The following KAZN variants were observed in gnomAD, a reference collection of about 807,000 sequenced individuals.
The protein encoded by KAZN is kazrin, periplakin interacting protein, also known as kazrin.
In KAZN, 40 loss-of-function variants were observed where a neutral mutation model predicts 87.4. The ratio of observed to expected loss-of-function variants is 0.46; its 90% confidence interval spans 0.36 to 0.60. The LOEUF is 0.60. KAZN is among the 20% of genes least tolerant of loss of function. The pLI is 0.00. For synonymous variants in KAZN, 466 were observed against 458.3 expected (o/e 1.02, Z -0.22); for missense variants, 898 against 1,073.9 (o/e 0.84, Z 2.29).
At chr1:14,091,037 A>G (rs1312261496) in intron 1 of KAZN, among the ~76,000 whole-genome samples, 1 of 147,332 alleles carries the variant, frequency 6.8e-6, no homozygotes, top group East Asian at 2.1e-4. Flanking sequence ...GCTTGAACCC[A>G]GGAGGCAGAG....
chr1:14,208,983 G>A (rs921688812), intron 2 of KAZN, among the ~76,000 whole-genome samples: 14 of 152,220 alleles, frequency 9.2e-5, no homozygotes, highest in African/African-American at 3.1e-4. Flanking sequence ...GAACACAAGA[G>A]CCTCGCAGGA....
chr1:14,951,039 G>A (rs1662417138), intron 1 of KAZN, among the ~76,000 whole-genome samples: 2 of 152,152 alleles, frequency 1.3e-5, no homozygotes, highest in South Asian at 4.1e-4. Flanking sequence ...ATCCCCTAGG[G>A]TTTTTAAGGG....
chr1:14,006,004 G>A (rs540945904), intron 1 of KAZN, among the ~76,000 whole-genome samples: 95 of 152,084 alleles, frequency 6.2e-4, no homozygotes, highest in African/African-American at 2.2e-3. Context: ...CCTCATATAG[G>A]GTTTAGTAGA....
intron 2 of KAZN, among the ~76,000 whole-genome samples, chr1:14,470,627 C>T (rs192241884): frequency 4.6e-5 from 7 of 152,238 alleles, no homozygotes; most frequent in Admixed American, 3.9e-4. Context: ...GGAAAGCCTG[C>T]GTAAGTGAGC....
intron 2 of KAZN, among the ~76,000 whole-genome samples, chr1:14,446,555 A>G (rs1421133396): frequency 6.6e-6 from 1 of 152,212 alleles, no homozygotes; most frequent in African/African-American, 2.4e-5. Context: ...AGTATGAGCT[A>G]AACCATGGAG....
chr1:14,799,056 C>G (rs767940524), intron 1 of KAZN, among the ~76,000 whole-genome samples: 6 of 152,188 alleles, frequency 3.9e-5, no homozygotes, highest in Non-Finnish European at 7.3e-5. Flanking sequence ...GGATTACAGG[C>G]ATGATGAGCC....
chr1:14,089,101 T>C (rs766244609), intron 1 of KAZN, among the ~76,000 whole-genome samples: 1 of 151,856 alleles, frequency 6.6e-6, no homozygotes, highest in Non-Finnish European at 1.5e-5. Context: ...CACACATGCA[T>C]AACCTCCCTT....
intron 2 of KAZN, among the ~76,000 whole-genome samples, chr1:14,494,324 C>A (rs995851968): frequency 6.6e-6 from 1 of 152,132 alleles, no homozygotes; most frequent in African/African-American, 2.4e-5. Flanking sequence ...AGCACACAAC[C>A]GTGGCTGGGC....
chr1:14,630,948 A>G (rs1679514890), intron 1 of KAZN, among the ~76,000 whole-genome samples: 1 of 152,114 alleles, frequency 6.6e-6, no homozygotes, highest in Admixed American at 6.6e-5. Context: ...AAAAATCAAT[A>G]TGTTTAAAAC....
At chr1:14,904,536 C>A (rs76623565) in intron 1 of KAZN, among the ~76,000 whole-genome samples, 2,298 of 152,280 alleles carry the variant, frequency 0.015, 56 homozygotes, top group African/African-American at 0.053. Context: ...CCTGTATGTG[C>A]CACTGCAGAT....
intron 1 of KAZN, among the ~76,000 whole-genome samples, chr1:14,615,880 A>G (rs753160028): frequency 2.4e-4 from 36 of 152,346 alleles, no homozygotes; most frequent in Non-Finnish European, 4.7e-4. Context: ...TATTCATAAT[A>G]TCACCCAATC....
chr1:14,772,866 T>G (rs940209919), intron 1 of KAZN, among the ~76,000 whole-genome samples: 1 of 152,174 alleles, frequency 6.6e-6, no homozygotes, highest in African/African-American at 2.4e-5. Flanking sequence ...AGCTGAGAAT[T>G]TTCCCCCAGA....
intron 2 of KAZN, among the ~76,000 whole-genome samples, chr1:14,293,504 T>A (rs1274972702): frequency 6.6e-6 from 1 of 152,190 alleles, no homozygotes; most frequent in Non-Finnish European, 1.5e-5. Flanking sequence ...TGTTGCCATG[T>A]CCCAACAGGA....
intron 1 of KAZN, among the ~76,000 whole-genome samples, chr1:14,751,895 G>A (rs1197235334): frequency 3.3e-5 from 5 of 152,148 alleles, no homozygotes; most frequent in Non-Finnish European, 7.3e-5. Flanking sequence ...AGTCTGTTTT[G>A]TATTGCTATA....
At chr1:14,770,923 G>A (rs1645002479) in intron 1 of KAZN, among the ~76,000 whole-genome samples, 1 of 152,150 alleles carries the variant, frequency 6.6e-6, no homozygotes, top group Non-Finnish European at 1.5e-5. Flanking sequence ...AGAAAGGAGG[G>A]TAAGGGGAAC....
chr1:14,518,620 C>T (rs1461583379), intron 2 of KAZN, among the ~76,000 whole-genome samples: 1 of 152,202 alleles, frequency 6.6e-6, no homozygotes, highest in Non-Finnish European at 1.5e-5. Flanking sequence ...ATACAGCCTT[C>T]CCATTGCTGT....
intron 2 of KAZN, among the ~76,000 whole-genome samples, chr1:14,264,911 T>A (rs911550582): frequency 2.6e-5 from 4 of 152,218 alleles, no homozygotes; most frequent in Non-Finnish European, 5.9e-5. Flanking sequence ...GTAACCTTTG[T>A]TACATCTGCA....
At chr1:14,143,499 C>A (rs949307664) in intron 1 of KAZN, among the ~76,000 whole-genome samples, 11 of 152,184 alleles carry the variant, frequency 7.2e-5, no homozygotes. Flanking sequence ...ATTCTTCCTG[C>A]GCCCTCATAC....
intron 2 of KAZN, among the ~76,000 whole-genome samples, chr1:14,315,579 G>A (rs112641876): frequency 0.022 from 3,271 of 152,106 alleles, 126 homozygotes; most frequent in African/African-American, 0.074. Flanking sequence ...AGCCCAGGCA[G>A]ACACTGACCT....
Sources: gnomAD v4.1 joint callset for allele counts (sites outside exome capture counted in the v4.1 genomes callset) on GRCh38, gnomAD v4.1.1 for gene constraint, MANE v1.5 for transcripts, NCBI Gene and HGNC (gene_info 2026-07-23, HGNC 2026-07-21) for gene names.